FRZB: variants seen among roughly 807,000 people sequenced by gnomAD.
FRZB encodes secreted frizzled-related protein 3.
A neutral mutation model predicts 32.5 loss-of-function variants in FRZB; 34 were observed. The ratio of observed to expected loss-of-function variants is 1.05; its 90% CI spans 0.80 to 1.39. The LOEUF (loss-of-function observed/expected upper bound fraction) is 1.39. Among genes scored for constraint, FRZB ranks in the 40% most tolerant of loss-of-function variants. The pLI, the probability that FRZB is intolerant of heterozygous loss-of-function variation, is 0.00. For synonymous variants in FRZB, 170 were observed against 159.2 expected (o/e 1.07, Z -0.51); for missense variants, 423 against 424.8 (o/e 1.00, Z 0.04).
intron 2 of FRZB, among the ~76,000 whole-genome samples, chr2:182,857,795 A>G (rs1300795010): frequency 6.6e-6 from 1 of 152,148 alleles, no homozygotes; most frequent in Non-Finnish European, 1.5e-5. Flanking sequence ...CAGAATATGT[A>G]AAGAACCCTC....
chr2:182,841,948 C>T (rs117196548), intron 3 of FRZB, among the ~76,000 whole-genome samples: 34 of 152,216 alleles, frequency 2.2e-4, no homozygotes, highest in Middle Eastern at 3.4e-3. Context: ...ATTAGAATGT[C>T]GGATTTTAAG....
rs748492421 is a variant in FRZB, at chr2:182,835,670, G to A, written c.862-705C>T. On this transcript the variant is annotated intron_variant, in intron 5 of 5. Coordinates refer to ENST00000295113, the MANE Select transcript of FRZB (RefSeq NM_001463.4). ...TTACATGAGGATAGGTAGGGAATAC[G>A]AACTACAGCTGTACTTCCCAAACTT... Among the ~76,000 whole-genome samples, 6 of 152,180 alleles carry A rather than the reference G, an allele frequency of 3.9e-5. No homozygotes were observed. The East Asian group carries it at 9.7e-4, about 25-fold the overall frequency.
At position 182,866,469 on chromosome 2, in the gene FRZB, G is replaced by C; in HGVS notation, c.84C>G (p.Pro28=). The C allele has an allele frequency of 6.4e-7, 1 of 1,563,378 alleles. No homozygotes were observed. Among genetic ancestry groups the C allele is most frequent in the Non-Finnish European group, 8.7e-7 (1 of 1,152,052 alleles). ...GCTCACAGGCTGCAGCCCGAGCCCC[G>C]GGCACCCGGAGCAGGCAGAGAGCAG... ...ALAALCLLRV[P]GARAAACEPV... The change falls in exon 1 of 6, where the codon CCC becomes CCG. Residue 28 remains proline, a synonymous_variant. Coordinates refer to ENST00000295113, the MANE Select transcript of FRZB (RefSeq NM_001463.4). The surrounding 1 kb of genome is among the most constrained non-coding windows in gnomAD (Gnocchi z 4.5).
intron 1 of FRZB, among the ~76,000 whole-genome samples, chr2:182,861,017 A>G (rs546907212): frequency 1.3e-5 from 2 of 152,338 alleles, no homozygotes; most frequent in African/African-American, 4.8e-5. Flanking sequence ...CCGAGAGACT[A>G]GGGACATGAG....
intron 5 of FRZB, among the ~76,000 whole-genome samples, chr2:182,836,730 T>C (rs1268276312): frequency 6.6e-6 from 1 of 152,042 alleles, no homozygotes; most frequent in Non-Finnish European, 1.5e-5. Context: ...TTAAAGACAG[T>C]AAGAGATTCC....
rs1041384520 is a variant in FRZB, at chr2:182,834,768, G to A, written c.*81C>T. ...AAACAATAGAATATGATGTGCAATA[G>A]TGCAATTTTCCTTTGCTAGTCCAGC... On this transcript the variant is annotated 3_prime_UTR_variant, in exon 6 of 6. Coordinates refer to ENST00000295113, the MANE Select transcript of FRZB (RefSeq NM_001463.4). 8 of 902,876 alleles carry A rather than the reference G, an allele frequency of 8.9e-6. No homozygotes were observed. Among genetic ancestry groups the A allele is most frequent in the Non-Finnish European group, 1.5e-5 (8 of 531,512 alleles). 55.9% of individuals were successfully genotyped at this position (902,876 alleles called of 1,614,324 possible). A position where few individuals can be genotyped will look rare whatever the true frequency, so the allele number is the denominator to read the frequency against.
chr2:182,859,991 T>C (rs952412545), intron 1 of FRZB, among the ~76,000 whole-genome samples: 2 of 152,178 alleles, frequency 1.3e-5, no homozygotes, highest in Admixed American at 6.5e-5. Flanking sequence ...AATAATCATG[T>C]GATAAACTAC....
rs752029877 is a variant in FRZB, at chr2:182,838,613, A to G, written c.593T>C (p.Val198Ala). Residue 198 changes from valine (V) to alanine (A), a missense_variant and splice_region_variant, in exon 4 of 6, where the codon GTC becomes GCC. Coordinates refer to ENST00000295113, the MANE Select transcript of FRZB (RefSeq NM_001463.4). The stretch of plus-strand genomic sequence containing the variant: ...TATCTCTTTAACTTTAGCCCGAATG[A>G]CTGGGATAAAAGACAAGAAAAGCTG... ...KTYFRNNYNYVIRAKVKEIKT... is the reference protein window; with the variant it reads ...KTYFRNNYNYAIRAKVKEIKT... 4.3e-6 allele frequency: 7 copies of G among 1,610,966 alleles called. No individual in the cohort carries two copies. In the South Asian group the frequency reaches 7.7e-5, roughly 18 times the overall value.
At chr2:182,855,501 T>A (rs897757091) in intron 2 of FRZB, among the ~76,000 whole-genome samples, 1 of 152,016 alleles carries the variant, frequency 6.6e-6, no homozygotes, top group African/African-American at 2.4e-5. Flanking sequence ...TACTAACAAA[T>A]AAAAACTATC....
intron 3 of FRZB, 54 bp from the exon 4 acceptor site, chr2:182,838,667 C>T (rs1695554892): frequency 1.4e-6 from 2 of 1,477,030 alleles, no homozygotes; most frequent in South Asian, 1.2e-5. Context: ...ATAGCTACCC[C>T]ATTCAAAAAA....
chr2:182,861,036 A>ATG (rs1372006436), intron 1 of FRZB, among the ~76,000 whole-genome samples: 1 of 152,204 alleles, frequency 6.6e-6, no homozygotes, highest in Non-Finnish European at 1.5e-5. Flanking sequence ...AGAATCTGGA[A>ATG]TGTATAATCT....
At chr2:182,836,150 T>C (rs1695523120) in intron 5 of FRZB, among the ~76,000 whole-genome samples, 1 of 152,062 alleles carries the variant, frequency 6.6e-6, no homozygotes, top group Non-Finnish European at 1.5e-5. Context: ...CCAAACATCT[T>C]GAATCGTCTG....
At chr2:182,842,342 C>A (rs981074873) in intron 3 of FRZB, 136 bp downstream of exon 3, 224 of 661,500 alleles carry the variant, frequency 3.4e-4, no homozygotes, top group Non-Finnish European at 7.8e-5. Context: ...GGACTATGCT[C>A]CTAAAAATAG....
At chr2:182,859,028 GT>G (rs1695801780) in intron 1 of FRZB, among the ~76,000 whole-genome samples, 195 bp from the exon 2 acceptor site, 1 of 151,978 alleles carries the variant, frequency 6.6e-6, no homozygotes, top group African/African-American at 2.4e-5. Flanking sequence ...ATTTTTTCAT[GT>G]GGTTATAAGG....
At chr2:182,843,930 CAA>C (rs1052736185) in intron 2 of FRZB, among the ~76,000 whole-genome samples, 9 of 121,060 alleles carry the variant, frequency 7.4e-5, no homozygotes, top group East Asian at 2.3e-4. Context: ...GACCCCGTCT[CAA>C]AAAAAAAAAA....
At chr2:182,856,638 T>C (rs1366664164) in intron 2 of FRZB, among the ~76,000 whole-genome samples, 2 of 152,074 alleles carry the variant, frequency 1.3e-5, no homozygotes, top group African/African-American at 4.8e-5. Context: ...AGTTTTGCCC[T>C]GCAAACACTA....
In FRZB at chr2:182,838,423, A is replaced by G; in HGVS notation, c.783T>C (p.Asp261=). 1 of 1,611,688 alleles carries G rather than the reference A, an allele frequency of 6.2e-7. No homozygotes were observed. The highest frequency in any genetic ancestry group is 1.1e-5 in the South Asian group (1 of 91,034). ...GAGTGAATTACCTGGAACGTTCCTC[A>G]TCTTCATAGCCCATGATGATATATT... The part of the protein sequence containing the change: ...NEEYIIMGYE[D]EERSRLLLVE... Residue 261 remains aspartate (D), a synonymous_variant, in exon 4 of 6, where the codon GAT becomes GAC. Transcript: ENST00000295113.
At position 182,859,079 on chromosome 2, in the gene FRZB, G is replaced by GAT. The variant is rs111506342; in HGVS notation, c.479-247_479-246insAT. ...ATACTCAACTGTGCATAAAATTTTA[G>GAT]AATTTAATAATTTATTTGAATTTCA... is the stretch of plus-strand genomic sequence containing the variant. On this transcript the variant is annotated intron_variant, in intron 1 of 5. Coordinates refer to ENST00000295113, the MANE Select transcript of FRZB (RefSeq NM_001463.4). 3.3e-3 allele frequency among the ~76,000 whole-genome samples: 504 copies of GAT among 151,868 alleles called. 3 individuals carry two copies. The highest frequency in any genetic ancestry group is 0.012 in the African/African-American group (482 of 41,474).
intron 5 of FRZB, 91 bp from the exon 6 acceptor site, chr2:182,835,056 C>T: frequency 1.1e-6 from 1 of 909,520 alleles, no homozygotes; most frequent in Non-Finnish European, 1.8e-6. Flanking sequence ...ACTGCAAGTT[C>T]AGATCTCTGA....
Sources: allele counts gnomAD v4.1 joint callset (sites outside exome capture counted in the v4.1 genomes callset), GRCh38; gene constraint gnomAD v4.1.1; non-coding constraint Gnocchi (gnomAD v3.1); transcripts MANE v1.5; gene names NCBI Gene and HGNC (gene_info 2026-07-23, HGNC 2026-07-21).